CDH12: variants seen among roughly 807,000 people sequenced by gnomAD.
CDH12 encodes the protein cadherin-12.
In CDH12, 41 loss-of-function variants were observed where a neutral mutation model predicts 74.1. The observed-to-expected ratio is 0.55, with a 90% confidence interval of 0.43 to 0.72. The LOEUF is 0.72. Ranked by LOEUF, CDH12 falls within the 30% of genes least tolerant of loss-of-function variation. The pLI, the probability that CDH12 is intolerant of heterozygous loss-of-function variation, is 0.00. For synonymous variants in CDH12, 399 were observed against 355.0 expected (o/e 1.12, Z -1.39); for missense variants, 945 against 977.2 (o/e 0.97, Z 0.44).
chr5:22,413,123 C>G (rs1384857163), intron 2 of CDH12, among the ~76,000 whole-genome samples: 1 of 151,856 alleles, frequency 6.6e-6, no homozygotes, highest in Non-Finnish European at 1.5e-5. Flanking sequence ...GTTTACTACT[C>G]CTGTCCAGTT....
chr5:21,882,931 C>T, intron 6 of CDH12: 3 of 1,602,098 alleles, frequency 1.9e-6, no homozygotes, highest in Non-Finnish European at 1.7e-6. Context: ...GATGGCACTA[C>T]CACTGCTACT....
At chr5:21,974,785 G>C (rs1007482127) in intron 6 of CDH12, among the ~76,000 whole-genome samples, 6 of 152,072 alleles carry the variant, frequency 3.9e-5, no homozygotes, top group Non-Finnish European at 8.8e-5. Flanking sequence ...TAGGTGTCTG[G>C]AATTGAGATA....
intron 2 of CDH12, among the ~76,000 whole-genome samples, chr5:22,451,359 T>G (rs1458827718): frequency 6.6e-6 from 1 of 151,932 alleles, no homozygotes; most frequent in Non-Finnish European, 1.5e-5. Context: ...TTAAAATAAA[T>G]CTTTAATATT....
intron 1 of CDH12, among the ~76,000 whole-genome samples, chr5:22,791,012 C>T (rs550652031): frequency 4.6e-5 from 7 of 152,214 alleles, no homozygotes; most frequent in South Asian, 4.2e-4. Flanking sequence ...TTGTGGAGGC[C>T]GGAGTCCCAG....
intron 1 of CDH12, among the ~76,000 whole-genome samples, chr5:22,551,060 T>C (rs1172213096): frequency 6.6e-6 from 1 of 152,170 alleles, no homozygotes; most frequent in African/African-American, 2.4e-5. Flanking sequence ...CTAGTAATAA[T>C]AGGATGATTT....
intron 7 of CDH12, among the ~76,000 whole-genome samples, chr5:21,849,513 G>A (rs1033205147): frequency 6.6e-6 from 1 of 151,742 alleles, no homozygotes; most frequent in South Asian, 2.1e-4. Context: ...CCTTGACACA[G>A]TTTTCTTTCC....
chr5:22,586,041 G>C (rs980147178), intron 1 of CDH12, among the ~76,000 whole-genome samples: 2 of 152,202 alleles, frequency 1.3e-5, no homozygotes, highest in South Asian at 2.1e-4. Flanking sequence ...ACATGCACAC[G>C]TATGTTTATT....
At chr5:22,598,508 C>G (rs269884) in intron 1 of CDH12, among the ~76,000 whole-genome samples, 85,064 of 152,004 alleles carry the variant, frequency 0.56, 24,139 homozygotes, top group East Asian at 0.68. Flanking sequence ...CCCCAGACAT[C>G]TGGATCTGTG....
chr5:21,942,950 T>A (rs1755405045), intron 6 of CDH12, among the ~76,000 whole-genome samples: 1 of 152,154 alleles, frequency 6.6e-6, no homozygotes, highest in South Asian at 2.1e-4. Context: ...ATAATGCCCA[T>A]GTGTTGAGGG....
chr5:22,341,775 T>A (rs1739862679), intron 3 of CDH12, among the ~76,000 whole-genome samples: 1 of 151,984 alleles, frequency 6.6e-6, no homozygotes, highest in Admixed American at 6.6e-5. Context: ...TAGGCAATCA[T>A]ACATCTCTGC....
intron 1 of CDH12, among the ~76,000 whole-genome samples, chr5:22,706,004 A>G (rs1433309401): frequency 1.3e-5 from 2 of 152,078 alleles, no homozygotes; most frequent in African/African-American, 4.8e-5. Flanking sequence ...GACATATGTT[A>G]TTTATGTCAT....
At chr5:22,151,031 T>C (rs1232274622) in intron 4 of CDH12, among the ~76,000 whole-genome samples, 6 of 152,186 alleles carry the variant, frequency 3.9e-5, no homozygotes, top group Non-Finnish European at 8.8e-5. Flanking sequence ...TTTAGCAGCT[T>C]ACATAAATCA....
At chr5:22,235,607 A>C (rs983966827) in intron 3 of CDH12, among the ~76,000 whole-genome samples, 1 of 152,058 alleles carries the variant, frequency 6.6e-6, no homozygotes, top group African/African-American at 2.4e-5. Context: ...AAACCAAAAC[A>C]AAACAAATTA....
At chr5:21,885,273 C>CAGGTG (rs1752568589) in intron 6 of CDH12, among the ~76,000 whole-genome samples, 1 of 152,154 alleles carries the variant, frequency 6.6e-6, no homozygotes, top group African/African-American at 2.4e-5. Context: ...CTATATTTTA[C>CAGGTG]AGGTGAGGAA....
chr5:21,865,866 A>G (rs1751299573), intron 6 of CDH12, among the ~76,000 whole-genome samples: 1 of 152,116 alleles, frequency 6.6e-6, no homozygotes, highest in South Asian at 2.1e-4. Context: ...AGGCCATGTG[A>G]TATGGTTTTG....
In CDH12 at chr5:21,750,704, G is replaced by A. The variant is rs1743997791; in HGVS notation, c.*1033C>T. The A allele has an allele frequency of 6.6e-6, 1 of 151,976 alleles. No individual in the cohort carries two copies. The highest frequency in any genetic ancestry group is 2.1e-4 in the South Asian group (1 of 4,826). 9.4% of individuals were successfully genotyped at this position (151,976 alleles called of 1,614,324 possible). A position where few individuals can be genotyped will look rare whatever the true frequency, so the allele number is the denominator to read the frequency against. On this transcript the variant is annotated 3_prime_UTR_variant, in exon 15 of 15. Transcript: ENST00000382254. ...CTGCTCATCAAAGAATCACTAGATT[G>A]TAAGAAACTCTGAGAAACTGTATAA...
At chr5:22,234,397 G>A (rs1580431731) in intron 3 of CDH12, among the ~76,000 whole-genome samples, 1 of 152,104 alleles carries the variant, frequency 6.6e-6, no homozygotes, top group African/African-American at 2.4e-5. Context: ...AGTCTCACAA[G>A]ATCTGATGGT....
At chr5:22,683,662 CCTTT>C in intron 1 of CDH12, among the ~76,000 whole-genome samples, 1 of 152,176 alleles carries the variant, frequency 6.6e-6, no homozygotes, top group Non-Finnish European at 1.5e-5. Flanking sequence ...ATCTTTCCCT[CCTTT>C]CTTTCCTTTA....
At chr5:21,781,923 G>A (rs1745938087) in intron 11 of CDH12, among the ~76,000 whole-genome samples, 1 of 152,138 alleles carries the variant, frequency 6.6e-6, no homozygotes, top group South Asian at 2.1e-4. Context: ...ACATCAAAAT[G>A]TAGTTACTTT....
Sources: allele counts gnomAD v4.1 joint callset (sites outside exome capture counted in the v4.1 genomes callset), GRCh38; gene constraint gnomAD v4.1.1; transcripts MANE v1.5; gene names NCBI Gene and HGNC (gene_info 2026-07-23, HGNC 2026-07-21).